The following LUZP2 variants were observed in gnomAD, a reference collection of about 807,000 sequenced individuals.
The protein encoded by LUZP2 is leucine zipper protein 2.
In LUZP2, 52 loss-of-function variants were observed where a neutral mutation model predicts 51.6. That is an observed-to-expected ratio of 1.01 (90% CI 0.81 to 1.27). LUZP2 has a LOEUF of 1.27. LUZP2 is among the 50% of genes most tolerant of loss of function. LUZP2 has a pLI of 0.00. For synonymous variants in LUZP2, 154 were observed against 137.3 expected (o/e 1.12, Z -0.85); for missense variants, 436 against 395.4 (o/e 1.10, Z -0.87).
intron 1 of LUZP2, among the ~76,000 whole-genome samples, chr11:24,516,257 C>G (rs1262857114): frequency 6.6e-6 from 1 of 151,918 alleles, no homozygotes; most frequent in Non-Finnish European, 1.5e-5. Flanking sequence ...AATGTAAAAC[C>G]TAAAATTATT....
intron 5 of LUZP2, among the ~76,000 whole-genome samples, chr11:24,783,357 T>C (rs1260545153): frequency 3.9e-5 from 6 of 152,010 alleles, no homozygotes; most frequent in Non-Finnish European, 7.4e-5. Flanking sequence ...CATTTTTTTT[T>C]TCCTAACCAA....
At chr11:24,789,026 C>T (rs1181602002) in intron 5 of LUZP2, among the ~76,000 whole-genome samples, 1 of 152,156 alleles carries the variant, frequency 6.6e-6, no homozygotes, top group Non-Finnish European at 1.5e-5. Context: ...TAAACCTATC[C>T]ATTAAACCCT....
intron 4 of LUZP2, among the ~76,000 whole-genome samples, chr11:24,761,216 C>A (rs1222382511): frequency 2.6e-5 from 4 of 152,174 alleles, no homozygotes; most frequent in South Asian, 2.1e-4. Context: ...TCTCAGGGAG[C>A]TTTTACTCAT....
chr11:24,959,885 G>A (rs1192281886), intron 7 of LUZP2, among the ~76,000 whole-genome samples: 1 of 152,138 alleles, frequency 6.6e-6, no homozygotes, highest in Non-Finnish European at 1.5e-5. Flanking sequence ...ATTGCTGTGG[G>A]TTTGTCATAG....
At chr11:25,047,399 T>A (rs1160553715) in intron 9 of LUZP2, among the ~76,000 whole-genome samples, 1 of 42,412 alleles carries the variant, frequency 2.4e-5, no homozygotes, top group Non-Finnish European at 6.0e-5. Context: ...TTTTTTTAAT[T>A]TTTTTTTTAT....
intron 1 of LUZP2, among the ~76,000 whole-genome samples, chr11:24,604,847 G>GATTT (rs1294080018): frequency 1.3e-5 from 2 of 151,840 alleles, no homozygotes; most frequent in African/African-American, 4.8e-5. Context: ...TACCCACTAT[G>GATTT]ATTTGGTGGA....
At chr11:24,846,865 C>T (rs1472914406) in intron 5 of LUZP2, among the ~76,000 whole-genome samples, 4 of 151,718 alleles carry the variant, frequency 2.6e-5, no homozygotes, top group Non-Finnish European at 5.9e-5. Flanking sequence ...AATACACTCT[C>T]TCCATATATA....
At chr11:25,049,511 C>A (rs1858425207) in intron 9 of LUZP2, among the ~76,000 whole-genome samples, 1 of 151,550 alleles carries the variant, frequency 6.6e-6, no homozygotes, top group Non-Finnish European at 1.5e-5. Flanking sequence ...GAGATGAATT[C>A]TAGAATAATA....
chr11:24,861,509 C>T (rs1329156133), intron 5 of LUZP2, among the ~76,000 whole-genome samples: 2 of 152,140 alleles, frequency 1.3e-5, no homozygotes, highest in Non-Finnish European at 2.9e-5. Flanking sequence ...CAGAGAACAC[C>T]ATTAAGATAC....
At chr11:24,655,884 TACG>T (rs1345227270) in intron 1 of LUZP2, among the ~76,000 whole-genome samples, 1 of 152,216 alleles carries the variant, frequency 6.6e-6, no homozygotes, top group African/African-American at 2.4e-5. Flanking sequence ...GTAAGTGAGA[TACG>T]AGTATGATAG....
At chr11:24,736,276 A>T in intron 3 of LUZP2, among the ~76,000 whole-genome samples, 1 of 151,976 alleles carries the variant, frequency 6.6e-6, no homozygotes, top group East Asian at 1.9e-4. Context: ...TTAATAAAAC[A>T]TACTTTATTA....
At chr11:24,882,927 C>T (rs145283496) in intron 5 of LUZP2, among the ~76,000 whole-genome samples, 1,478 of 81,148 alleles carry the variant, frequency 0.018, 35 homozygotes, top group African/African-American at 0.082. Flanking sequence ...AAAGAAAGAA[C>T]GAAAGAAAGA....
At position 24,702,600 on chromosome 11, in the gene LUZP2, C is replaced by T. The variant is rs775044583; in HGVS notation, c.63-26569C>T. Among the ~76,000 whole-genome samples, 29 of 152,058 alleles carry T rather than the reference C, an allele frequency of 1.9e-4. 1 individual carries two copies. Among genetic ancestry groups the T allele is most frequent in the Admixed American group, 1.4e-3 (21 of 15,240 alleles). ...GAGGCCCCAGACTCTTTGAAACAAC[C>T]AAATTTTGAAGGAACTAAATGAGTG... On this transcript the variant is annotated intron_variant, in intron 1 of 11. Coordinates refer to ENST00000336930, the MANE Select transcript of LUZP2 (RefSeq NM_001009909.4).
chr11:24,569,587 T>A (rs80322337), intron 1 of LUZP2, among the ~76,000 whole-genome samples: 2,177 of 152,114 alleles, frequency 0.014, 43 homozygotes, highest in South Asian at 0.059. Flanking sequence ...AAATAGGAAA[T>A]TATGCAAAAT....
chr11:24,774,881 T>C (rs546395276), intron 5 of LUZP2, among the ~76,000 whole-genome samples: 1 of 147,712 alleles, frequency 6.8e-6, no homozygotes, highest in East Asian at 2.0e-4. Flanking sequence ...GTATATTCTT[T>C]TAGTTCTGTC....
rs1859421102 is a variant in LUZP2, at chr11:25,080,001, A to C, written c.*1343A>C. 6.6e-6 allele frequency: 1 copy of C among 152,156 alleles called. No homozygotes were observed. Among genetic ancestry groups the C allele is most frequent in the Admixed American group, 6.6e-5 (1 of 15,266 alleles). 9.4% of individuals were successfully genotyped at this position (152,156 alleles called of 1,614,324 possible). On this transcript the variant is annotated 3_prime_UTR_variant, in exon 12 of 12. Transcript: ENST00000336930. Reference sequence around the variant, plus strand: ...TGATCAAAATGGCATATTTAAAGAAATTTAAAGATTTGGAGAATTGGAAAA... The same window carrying C: ...TGATCAAAATGGCATATTTAAAGAACTTTAAAGATTTGGAGAATTGGAAAA...
intron 5 of LUZP2, among the ~76,000 whole-genome samples, chr11:24,876,618 T>C (rs2134280848): frequency 6.6e-6 from 1 of 151,636 alleles, no homozygotes; most frequent in Admixed American, 6.6e-5. Context: ...AAAGTAGTTT[T>C]TTCCAATTCT....
At chr11:24,820,049 C>A (rs1002711580) in intron 5 of LUZP2, among the ~76,000 whole-genome samples, 1 of 151,794 alleles carries the variant, frequency 6.6e-6, no homozygotes, top group Non-Finnish European at 1.5e-5. Context: ...ATTTACTGAG[C>A]GATATACACA....
At chr11:25,039,047 G>A (rs1857954181) in intron 9 of LUZP2, among the ~76,000 whole-genome samples, 1 of 152,170 alleles carries the variant, frequency 6.6e-6, no homozygotes, top group South Asian at 2.1e-4. Context: ...GGTGTAAATA[G>A]GAGAGAGGTA....
Sources: gnomAD v4.1 joint callset for allele counts (sites outside exome capture counted in the v4.1 genomes callset) on GRCh38, gnomAD v4.1.1 for gene constraint, MANE v1.5 for transcripts, NCBI Gene and HGNC (gene_info 2026-07-23, HGNC 2026-07-21) for gene names.